Variants in UQCC5 observed in about 807,000 individuals in gnomAD.
The protein encoded by UQCC5 is ubiquinol-cytochrome c reductase complex assembly factor 5.
the UQCC5 span, among the ~76,000 whole-genome samples, chr3:52,540,192 CA>C: frequency 2.0e-5 from 3 of 152,214 alleles, no homozygotes; most frequent in African/African-American, 7.2e-5. Context: ...TGTGCTAAGA[CA>C]TGATTCTATC....
At chr3:52,538,753 G>A in the UQCC5 span, among the ~76,000 whole-genome samples, 315 of 152,296 alleles carry the variant, frequency 2.1e-3, 3 homozygotes, top group Middle Eastern at 0.017. Flanking sequence ...GAGCCACTGC[G>A]CCTGGCCCAA....
chr3:52,537,887 C>T, the UQCC5 span, among the ~76,000 whole-genome samples: 1 of 152,134 alleles, frequency 6.6e-6, no homozygotes, highest in Non-Finnish European at 1.5e-5. Flanking sequence ...GAATTGAAAG[C>T]ATCTCCATGG....
At chr3:52,537,268 A>G in the UQCC5 span, among the ~76,000 whole-genome samples, 2 of 152,284 alleles carry the variant, frequency 1.3e-5, no homozygotes, top group South Asian at 4.1e-4. Context: ...CTAACTAGCC[A>G]TTTCTCTTTG....
chr3:52,537,757 C>T, the UQCC5 span, among the ~76,000 whole-genome samples: 17 of 152,094 alleles, frequency 1.1e-4, no homozygotes, highest in Admixed American at 7.9e-4. Flanking sequence ...GAACATAGGA[C>T]TCTCGGGTGG....
the UQCC5 span, chr3:52,536,626 T>C: frequency 3.4e-6 from 5 of 1,475,272 alleles, no homozygotes; most frequent in African/African-American, 5.6e-5. Flanking sequence ...TACCAGACAG[T>C]GGCGGAGGAC....
chr3:52,539,117 C>A, the UQCC5 span, among the ~76,000 whole-genome samples: 2 of 152,022 alleles, frequency 1.3e-5, no homozygotes, highest in Non-Finnish European at 2.9e-5. Context: ...GCTGAGGAAA[C>A]AGGATTGTCA....
the UQCC5 span, among the ~76,000 whole-genome samples, chr3:52,537,615 A>T: frequency 6.6e-6 from 1 of 152,216 alleles, no homozygotes; most frequent in South Asian, 2.1e-4. Context: ...ATTGATACTT[A>T]ATGAGCATTC....
the UQCC5 span, chr3:52,536,874 T>C: frequency 2.0e-5 from 31 of 1,551,504 alleles, no homozygotes; most frequent in Non-Finnish European, 2.6e-5. Context: ...GAGTGGATCA[T>C]GATTAAAGTG....
chr3:52,537,917 G>GT, the UQCC5 span, among the ~76,000 whole-genome samples: 1 of 152,242 alleles, frequency 6.6e-6, no homozygotes. Flanking sequence ...GAGCACTTGT[G>GT]TGAGAGTATG....
At chr3:52,540,352 GTTAAA>G in the UQCC5 span, 8 of 1,162,602 alleles carry the variant, frequency 6.9e-6, no homozygotes, top group East Asian at 5.4e-5. Context: ...TAGACTATTG[GTTAAA>G]TTATTCAGAT....
At chr3:52,537,880 T>C in the UQCC5 span, among the ~76,000 whole-genome samples, 2 of 152,150 alleles carry the variant, frequency 1.3e-5, no homozygotes, top group East Asian at 3.9e-4. Context: ...GTGTGTGGAA[T>C]TGAAAGCATC....
chr3:52,537,895 T>C, the UQCC5 span, among the ~76,000 whole-genome samples: 1 of 152,248 alleles, frequency 6.6e-6, no homozygotes, highest in African/African-American at 2.4e-5. Flanking sequence ...AGCATCTCCA[T>C]GGCAGTGGTA....
At chr3:52,540,846 T>C in the UQCC5 span, 1 of 171,102 alleles carries the variant, frequency 5.8e-6, no homozygotes, top group East Asian at 1.6e-4. Flanking sequence ...CCTTATTTAC[T>C]TTTTTGCAGA....
chr3:52,537,481 C>T, the UQCC5 span, among the ~76,000 whole-genome samples: 8 of 152,176 alleles, frequency 5.3e-5, no homozygotes, highest in Non-Finnish European at 7.4e-5. Context: ...TTCCCCAACC[C>T]CTCGGCCCTT....
At chr3:52,540,344 G>C in the UQCC5 span, 1 of 1,054,602 alleles carries the variant, frequency 9.5e-7, no homozygotes, top group Non-Finnish European at 1.4e-6. Context: ...GACAGACCTA[G>C]ACTATTGGTT....
At chr3:52,538,946 G>T in the UQCC5 span, among the ~76,000 whole-genome samples, 2 of 152,182 alleles carry the variant, frequency 1.3e-5, no homozygotes, top group Non-Finnish European at 2.9e-5. Context: ...AGGGTGGAGA[G>T]AGGCTGGAGA....
chr3:52,537,740 G>GT, the UQCC5 span, among the ~76,000 whole-genome samples: 1 of 152,182 alleles, frequency 6.6e-6, no homozygotes, highest in African/African-American at 2.4e-5. Context: ...TGAGAAGGAA[G>GT]TGGGAGGAAC....
chr3:52,539,085 G>A, the UQCC5 span, among the ~76,000 whole-genome samples: 10,963 of 152,048 alleles, frequency 0.072, 947 homozygotes, highest in African/African-American at 0.21. Context: ...TTGGGGGTGG[G>A]TGAAAAAGAG....
the UQCC5 span, chr3:52,540,568 CTT>C: frequency 2.0e-6 from 2 of 980,024 alleles, no homozygotes; most frequent in Non-Finnish European, 3.0e-6. Context: ...TTTCAGATCT[CTT>C]GTTCTGACAC....
Sources: gnomAD v4.1 joint callset for allele counts (sites outside exome capture counted in the v4.1 genomes callset) on GRCh38, gnomAD v4.1.1 for gene constraint, MANE v1.5 for transcripts, NCBI Gene and HGNC (gene_info 2026-07-23, HGNC 2026-07-21) for gene names.